Variants in MGMT observed in about 807,000 individuals in gnomAD.
MGMT encodes the protein O-6-methylguanine-DNA methyltransferase.
In MGMT, 14 loss-of-function variants were observed where a neutral mutation model predicts 15.9. The ratio of observed to expected loss-of-function variants is 0.88; its 90% CI spans 0.58 to 1.37. MGMT has a LOEUF of 1.37. Among genes scored for constraint, MGMT ranks in the 40% most tolerant of loss-of-function variants. MGMT has a pLI of 0.00. For synonymous variants in MGMT, 130 were observed against 118.2 expected, an observed-to-expected ratio of 1.10 and a Z score of -0.65; for missense variants, 282 against 268.1, an observed-to-expected ratio of 1.05 and a Z score of -0.36.
chr10:129,627,643 C>T (rs886559841), intron 2 of MGMT, among the ~76,000 whole-genome samples: 48 of 152,294 alleles, frequency 3.2e-4, no homozygotes, highest in Admixed American at 2.0e-3. Flanking sequence ...CATCCGGAAG[C>T]GGCCTCTAAA....
At chr10:129,751,359 C>A (rs1460582077) in intron 3 of MGMT, among the ~76,000 whole-genome samples, 4 of 151,894 alleles carry the variant, frequency 2.6e-5, no homozygotes, top group Non-Finnish European at 4.4e-5. Context: ...TCTGTGGGAT[C>A]TGTGGCAATA....
chr10:129,600,932 T>G (rs1256075082), intron 2 of MGMT, among the ~76,000 whole-genome samples: 6 of 152,208 alleles, frequency 3.9e-5, no homozygotes, highest in Non-Finnish European at 7.3e-5. Context: ...CCTAGTTGGT[T>G]AGTGAAACAT....
chr10:129,536,385 T>C lies in MGMT; in HGVS notation c.125+8T>C, dbSNP rs1564845461. 1 of 1,610,244 alleles carries C rather than the reference T, an allele frequency of 6.2e-7. No homozygotes were observed. The highest frequency in any genetic ancestry group is 8.5e-7 in the Non-Finnish European group (1 of 1,179,046). On this transcript the variant is annotated splice_region_variant and intron_variant, in intron 2 of 4. Transcript: ENST00000651593. ...GGGGACGTCTGCAGCTGAGTAAGTA[T>C]GAGCCCACGTGATCCTGTATACCGC...
Position 129,769,599 on chromosome 10 carries a change from G to A in MGMT, c.*2602G>A, listed in dbSNP as rs924235982. On this transcript the variant is annotated 3_prime_UTR_variant, in exon 5 of 5. Transcript: ENST00000651593. ...CGCTCCCCTGTTTCCAGAGAGATGAGAGAGTCAGAAGTAATACTTGTTTTT... is the reference window on the plus strand; with the variant it reads ...CGCTCCCCTGTTTCCAGAGAGATGAAAGAGTCAGAAGTAATACTTGTTTTT... Among the ~76,000 whole-genome samples, 9 of 151,800 alleles carry A rather than the reference G, an allele frequency of 5.9e-5. No individual in the cohort carries two copies. The highest frequency in any genetic ancestry group is 1.3e-4 in the Admixed American group (2 of 15,226).
intron 3 of MGMT, among the ~76,000 whole-genome samples, chr10:129,727,264 A>C (rs1199353611): frequency 6.6e-6 from 1 of 152,192 alleles, no homozygotes; most frequent in African/African-American, 2.4e-5. Context: ...TGCAGCTCCC[A>C]GTGTCCTCAG....
chr10:129,739,271 C>T (rs1357838116), intron 3 of MGMT, among the ~76,000 whole-genome samples: 1 of 152,224 alleles, frequency 6.6e-6, no homozygotes, highest in Non-Finnish European at 1.5e-5. Context: ...CTCACCACTC[C>T]TGTTCAACAT....
intron 1 of MGMT, among the ~76,000 whole-genome samples, chr10:129,520,498 A>G (rs1370844362): frequency 1.3e-5 from 2 of 151,846 alleles, no homozygotes; most frequent in East Asian, 1.9e-4. Context: ...GCAGGTGCAG[A>G]GCCCCTACGG....
intron 2 of MGMT, among the ~76,000 whole-genome samples, chr10:129,655,211 A>G (rs1304070650): frequency 6.6e-6 from 1 of 152,208 alleles, no homozygotes; most frequent in Non-Finnish European, 1.5e-5. Context: ...GGGCCTGGGC[A>G]GATGCAGGGC....
At chr10:129,749,118 A>G (rs1378300373) in intron 3 of MGMT, among the ~76,000 whole-genome samples, 1 of 152,162 alleles carries the variant, frequency 6.6e-6, no homozygotes, top group East Asian at 1.9e-4. Context: ...GGATCCCCTG[A>G]TCTCCTAAAT....
At chr10:129,766,652 A>G (rs1157447293) in intron 4 of MGMT, 136 bp from the exon 5 acceptor site, 1 of 750,014 alleles carries the variant, frequency 1.3e-6, no homozygotes. Context: ...ACACCCACCC[A>G]TGCCAACAGC....
chr10:129,615,303 C>T (rs902072379), intron 2 of MGMT, among the ~76,000 whole-genome samples: 4 of 152,192 alleles, frequency 2.6e-5, no homozygotes, highest in South Asian at 2.1e-4. Context: ...CTTGGGCAGA[C>T]GCCTCCCTGG....
At chr10:129,709,949 C>T (rs932450860) in intron 3 of MGMT, among the ~76,000 whole-genome samples, 6 of 152,190 alleles carry the variant, frequency 3.9e-5, no homozygotes, top group African/African-American at 1.4e-4. Context: ...CTCCAAACCA[C>T]CCCTGCAAGC....
At chr10:129,522,095 T>TTCCTTCCTCTGGGAAGCC (rs146671233) in intron 1 of MGMT, among the ~76,000 whole-genome samples, 1 of 151,750 alleles carries the variant, frequency 6.6e-6, no homozygotes, top group Non-Finnish European at 1.5e-5. Context: ...TGGAGAAGAA[T>TTCCTTCCTCTGGGAAGCC]TGGGTAAGGG....
intron 2 of MGMT, among the ~76,000 whole-genome samples, chr10:129,599,648 T>G (rs780315047): frequency 6.6e-6 from 1 of 152,186 alleles, no homozygotes; most frequent in Non-Finnish European, 1.5e-5. Flanking sequence ...AATACTGCAG[T>G]CAGTGCAGAC....
At chr10:129,657,729 C>CAGACACACA (rs1564750921) in intron 2 of MGMT, among the ~76,000 whole-genome samples, 4 of 122,292 alleles carry the variant, frequency 3.3e-5, no homozygotes, top group African/African-American at 1.3e-4. Context: ...ACACACACAC[C>CAGACACACA]CCCTCTCCCC....
chr10:129,577,021 C>G (rs1846491654), intron 2 of MGMT, among the ~76,000 whole-genome samples: 1 of 152,058 alleles, frequency 6.6e-6, no homozygotes, highest in South Asian at 2.1e-4. Context: ...AACCACTGCT[C>G]AATGAAATAA....
At chr10:129,646,752 A>ATTTTTTTTTTT (rs1180606132) in intron 2 of MGMT, among the ~76,000 whole-genome samples, 12 of 81,880 alleles carry the variant, frequency 1.5e-4, no homozygotes, top group Admixed American at 8.6e-4. Flanking sequence ...ATATATATAT[A>ATTTTTTTTTTT]TATTTTCAGG....
chr10:129,741,056 G>T (rs778230848), intron 3 of MGMT, among the ~76,000 whole-genome samples: 3 of 152,084 alleles, frequency 2.0e-5, no homozygotes, highest in Non-Finnish European at 4.4e-5. Context: ...CACGCTTATT[G>T]GCTGGCCACT....
At chr10:129,597,606 AG>A (rs1846766242) in intron 2 of MGMT, among the ~76,000 whole-genome samples, 1 of 152,202 alleles carries the variant, frequency 6.6e-6, no homozygotes, top group Non-Finnish European at 1.5e-5. Flanking sequence ...CAAAAGCTCA[AG>A]GTGACTTTGC....
Sources: allele counts gnomAD v4.1 joint callset (sites outside exome capture counted in the v4.1 genomes callset), GRCh38; gene constraint gnomAD v4.1.1; transcripts MANE v1.5; gene names NCBI Gene and HGNC (gene_info 2026-07-23, HGNC 2026-07-21).